The following LMX1A variants were observed in gnomAD, a reference collection of about 807,000 sequenced individuals.
LMX1A encodes the protein LIM homeobox transcription factor 1-alpha.
LMX1A carries 15 observed loss-of-function variants against 49.1 expected under a neutral mutation model. The ratio of observed to expected loss-of-function variants is 0.31; its 90% CI spans 0.20 to 0.47. The LOEUF (loss-of-function observed/expected upper bound fraction) is 0.47. Among genes scored for constraint, LMX1A ranks in the 20% least tolerant of loss-of-function variants. The pLI is 1.00. For missense variants in LMX1A, 372 were observed against 475.8 expected (o/e 0.78, Z 2.03); for synonymous variants, 167 against 185.7 (o/e 0.90, Z 0.82).
intron 3 of LMX1A, among the ~76,000 whole-genome samples, chr1:165,272,383 A>G (rs1653821272): frequency 6.6e-6 from 1 of 152,222 alleles, no homozygotes; most frequent in South Asian, 2.1e-4. Flanking sequence ...TGGCTGAAGC[A>G]TCAACCACCC....
At position 165,216,505 on chromosome 1, in the gene LMX1A, T is replaced by A. The variant is rs1651648209; in HGVS notation, c.497-2692A>T. The stretch of plus-strand genomic sequence containing the variant: ...CTCCACCCCAGGGATCATGCAGATC[T>A]CCTTCAAGGTAGGCAAGAAAAGAGG... On this transcript the variant is annotated intron_variant, in intron 4 of 8. Transcript: ENST00000342310. Among the ~76,000 whole-genome samples, 4 of 152,134 alleles carry A rather than the reference T, an allele frequency of 2.6e-5. 1 individual carries two copies. The highest frequency in any genetic ancestry group is 4.1e-4 in the South Asian group (2 of 4,832).
intron 3 of LMX1A, among the ~76,000 whole-genome samples, chr1:165,269,929 G>A (rs1653746600): frequency 6.6e-6 from 1 of 152,042 alleles, no homozygotes; most frequent in Non-Finnish European, 1.5e-5. Context: ...AGGGAAAAGA[G>A]CTAATGAATG....
chr1:165,282,780 C>T (rs547077997), intron 3 of LMX1A, among the ~76,000 whole-genome samples: 3 of 152,322 alleles, frequency 2.0e-5, no homozygotes, highest in Admixed American at 6.5e-5. Flanking sequence ...GCCTCCAAAT[C>T]ATGTACGGAG....
chr1:165,241,997 C>T (rs1652671716), intron 4 of LMX1A, among the ~76,000 whole-genome samples: 1 of 152,174 alleles, frequency 6.6e-6, no homozygotes, highest in African/African-American at 2.4e-5. Flanking sequence ...TTCACAGACT[C>T]CAGCAGATGT....
At chr1:165,221,404 C>G (rs552984309) in intron 4 of LMX1A, among the ~76,000 whole-genome samples, 13 of 152,120 alleles carry the variant, frequency 8.5e-5, no homozygotes, top group Admixed American at 3.9e-4. Flanking sequence ...CCAACTCCCC[C>G]CAACTATCCT....
At chr1:165,260,318 G>C (rs1346558212) in intron 3 of LMX1A, among the ~76,000 whole-genome samples, 1 of 151,960 alleles carries the variant, frequency 6.6e-6, no homozygotes, top group East Asian at 1.9e-4. Context: ...CTCTTGCAAA[G>C]AATGTATATT....
chr1:165,316,919 AT>A (rs903722809), intron 3 of LMX1A, among the ~76,000 whole-genome samples: 1 of 152,150 alleles, frequency 6.6e-6, no homozygotes, highest in African/African-American at 2.4e-5. Context: ...AGACATGTAC[AT>A]TTTCTGATCA....
intron 3 of LMX1A, among the ~76,000 whole-genome samples, chr1:165,257,037 AT>A (rs753030170): frequency 6.6e-6 from 1 of 151,974 alleles, no homozygotes; most frequent in Non-Finnish European, 1.5e-5. Context: ...CAAAAATCAT[AT>A]TTCTGCAAAG....
At chr1:165,223,576 C>T (rs1296122517) in intron 4 of LMX1A, among the ~76,000 whole-genome samples, 2 of 152,212 alleles carry the variant, frequency 1.3e-5, no homozygotes, top group East Asian at 3.8e-4. Context: ...TTCTTAAATT[C>T]ACAGTTCTGT....
At chr1:165,320,663 G>A (rs1481388166) in intron 3 of LMX1A, among the ~76,000 whole-genome samples, 1 of 152,152 alleles carries the variant, frequency 6.6e-6, no homozygotes, top group Non-Finnish European at 1.5e-5. Context: ...TGTGTACCCT[G>A]TGAAGTATTA....
At chr1:165,276,379 C>T (rs1186004502) in intron 3 of LMX1A, among the ~76,000 whole-genome samples, 1 of 152,138 alleles carries the variant, frequency 6.6e-6, no homozygotes, top group Non-Finnish European at 1.5e-5. Flanking sequence ...CTGAGGCAGC[C>T]GCCTCTCCAC....
At chr1:165,287,237 T>C (rs1252830053) in intron 3 of LMX1A, among the ~76,000 whole-genome samples, 1 of 152,084 alleles carries the variant, frequency 6.6e-6, no homozygotes, top group Non-Finnish European at 1.5e-5. Flanking sequence ...ATTCTGAAGA[T>C]GGTTCGGGGG....
At chr1:165,228,585 G>T (rs1324523146) in intron 4 of LMX1A, among the ~76,000 whole-genome samples, 1 of 152,152 alleles carries the variant, frequency 6.6e-6, no homozygotes, top group African/African-American at 2.4e-5. Context: ...GCACCTCCAT[G>T]CAATTGATTT....
At chr1:165,276,766 TAAG>T (rs1304417945) in intron 3 of LMX1A, among the ~76,000 whole-genome samples, 1 of 152,162 alleles carries the variant, frequency 6.6e-6, no homozygotes, top group Non-Finnish European at 1.5e-5. Flanking sequence ...ATTAGGAAGT[TAAG>T]AAGGAGGATA....
At chr1:165,266,595 C>CTTTTTTTTTTTTTTT (rs61551654) in intron 3 of LMX1A, among the ~76,000 whole-genome samples, 83 of 79,176 alleles carry the variant, frequency 1.0e-3, no homozygotes, top group Middle Eastern at 0.012. Context: ...TTCTTTCTTT[C>CTTTTTTTTTTTTTTT]TTTTTTTTTT....
At chr1:165,213,571 T>A (rs1651513694) in intron 5 of LMX1A, 70 bp downstream of exon 5, 1 of 1,399,270 alleles carries the variant, frequency 7.1e-7, no homozygotes, top group Non-Finnish European at 9.9e-7. Flanking sequence ...CCCACTGAGA[T>A]CCCAGAGGGG....
intron 4 of LMX1A, among the ~76,000 whole-genome samples, chr1:165,223,727 G>A (rs1651936850): frequency 6.6e-6 from 1 of 151,204 alleles, no homozygotes; most frequent in African/African-American, 2.4e-5. Context: ...ATTCAAACAA[G>A]AAGACAATTT....
intron 3 of LMX1A, among the ~76,000 whole-genome samples, chr1:165,337,175 AAAAT>A (rs570219059): frequency 3.3e-5 from 5 of 152,358 alleles, no homozygotes; most frequent in Admixed American, 3.3e-4. Flanking sequence ...ATTAGTAGAC[AAAAT>A]AAATGAATGA....
At chr1:165,286,457 A>G (rs567506421) in intron 3 of LMX1A, among the ~76,000 whole-genome samples, 57 of 152,328 alleles carry the variant, frequency 3.7e-4, no homozygotes, top group African/African-American at 1.3e-3. Context: ...CTGGACAACA[A>G]AAGACCACAG....
Sources: allele counts gnomAD v4.1 joint callset (sites outside exome capture counted in the v4.1 genomes callset), GRCh38; gene constraint gnomAD v4.1.1; transcripts MANE v1.5; gene names NCBI Gene and HGNC (gene_info 2026-07-23, HGNC 2026-07-21).